The following DNAH10 variants were observed in gnomAD, a reference collection of about 807,000 sequenced individuals.
DNAH10 encodes dynein axonemal heavy chain 10.
A neutral mutation model predicts 506.6 loss-of-function variants in DNAH10; 348 were observed. The observed-to-expected ratio is 0.69, with a 90% CI of 0.63 to 0.75. The LOEUF is 0.75. Among genes scored for constraint, DNAH10 ranks in the 30% least tolerant of loss-of-function variants. The probability of loss-of-function intolerance (pLI) is 0.00; values close to 1 mark genes in which losing one functional copy is unlikely to be tolerated. For missense variants in DNAH10, 5,179 were observed against 5,787.1 expected, an observed-to-expected ratio of 0.89 and a Z score of 3.41; for synonymous variants, 2,059 against 2,198.6, an observed-to-expected ratio of 0.94 and a Z score of 1.78.
intron 39 of DNAH10, among the ~76,000 whole-genome samples, chr12:123,864,280 G>A (rs1056536293): frequency 1.3e-5 from 2 of 151,258 alleles, no homozygotes; most frequent in African/African-American, 2.4e-5. Flanking sequence ...TGAGTAGCTG[G>A]GATTACAGGC....
chr12:123,783,462 G>T (rs1369990869), intron 7 of DNAH10, among the ~76,000 whole-genome samples, 198 bp downstream of exon 7: 1 of 152,194 alleles, frequency 6.6e-6, no homozygotes, highest in African/African-American at 2.4e-5. Context: ...TTACTGCCTG[G>T]ATTGATAAAG....
At chr12:123,933,547 C>T (rs1366356885) in intron 77 of DNAH10, 36 bp downstream of exon 77, 3 of 1,542,612 alleles carry the variant, frequency 1.9e-6, no homozygotes, top group Non-Finnish European at 2.6e-6. Context: ...CAGCCTCTCA[C>T]TTAGGATTTC....
At position 123,909,198 on chromosome 12, in the gene DNAH10, C is replaced by CT. The variant is rs966106825; in HGVS notation, c.9816-60dup. On this transcript the variant is annotated intron_variant, in intron 57 of 78. Coordinates refer to ENST00000673944, the MANE Select transcript of DNAH10 (RefSeq NM_001372106.1). The surrounding 1 kb of genome is among the most constrained non-coding windows in gnomAD (Gnocchi z 5.4). ...GTTGAGCTCGTTTTTCTGGAGCTCT[C>CT]TTTCAGGCCAGATCCTGGCCACATC... 85 of 1,573,452 alleles carry CT rather than the reference C, an allele frequency of 5.4e-5. No homozygotes were observed. In the Admixed American group the frequency reaches 1.6e-3, roughly 29 times the overall value.
chr12:123,795,284 C>G (rs1958236026), intron 12 of DNAH10, among the ~76,000 whole-genome samples: 1 of 152,076 alleles, frequency 6.6e-6, no homozygotes, highest in Non-Finnish European at 1.5e-5. Context: ...GTCTTAGTTT[C>G]CCAATGCTGC....
rs1317270767 is a variant in DNAH10 at position 123,929,807 on chromosome 12, G to A, written c.12612+48G>A. 4.6e-6 allele frequency: 7 copies of A among 1,537,556 alleles called. No individual in the cohort carries two copies. In the African/African-American group the frequency reaches 6.8e-5, roughly 15 times the overall value. ...CCGCAGGTGCCTCTGGGGCTACAGA[G>A]CTGTGGCCTCGTGCCCCTATTTTCC... On this transcript the variant is annotated intron_variant, in intron 72 of 78. Coordinates refer to ENST00000673944, the MANE Select transcript of DNAH10 (RefSeq NM_001372106.1).
In DNAH10 at chr12:123,762,352, G is replaced by A; in HGVS notation, c.16G>A (p.Val6Met). MDDLR[V>M]LWMRDRVYAA... ...GCGCGGCGCCATGGACGACCTGCGGGTGCTGTGGATGCGCGACCGCGTGTA... is the reference window on the plus strand; with the variant it reads ...GCGCGGCGCCATGGACGACCTGCGGATGCTGTGGATGCGCGACCGCGTGTA... The change falls in exon 1 of 79, where the codon GTG becomes ATG. Residue 6 changes from valine (V) to methionine (M), a missense_variant. Val to Met is a conservative substitution (Grantham distance 21, BLOSUM62 1). Transcript: ENST00000673944. The surrounding 1 kb of genome is among the most constrained non-coding windows in gnomAD (Gnocchi z 5.0). The A allele has an allele frequency of 7.4e-7, 1 of 1,354,368 alleles. No individual in the cohort carries two copies. The highest frequency in any genetic ancestry group is 9.5e-7 in the Non-Finnish European group (1 of 1,050,968). 83.9% of individuals were successfully genotyped at this position (1,354,368 alleles called of 1,614,324 possible). A position where few individuals can be genotyped will look rare whatever the true frequency, so the allele number is the denominator to read the frequency against.
intron 53 of DNAH10, 90 bp from the exon 54 acceptor site, chr12:123,894,553 C>A (rs944463544): frequency 4.1e-6 from 5 of 1,221,530 alleles, no homozygotes; most frequent in Non-Finnish European, 5.9e-6. Flanking sequence ...CCACCACACC[C>A]GGCCCTGATT....
intron 53 of DNAH10, 81 bp downstream of exon 53, chr12:123,893,517 G>A: frequency 6.5e-7 from 1 of 1,531,340 alleles, no homozygotes; most frequent in Non-Finnish European, 9.0e-7. Context: ...ACCTCTCCAG[G>A]TTCCCCCAGC....
intron 6 of DNAH10, among the ~76,000 whole-genome samples, chr12:123,782,232 G>T (rs1438791435): frequency 2.0e-5 from 3 of 150,308 alleles, no homozygotes; most frequent in Non-Finnish European, 4.4e-5. Flanking sequence ...TTTTTTCATA[G>T]CATCCTGTTC....
chr12:123,767,234 A>G (rs563089660), intron 1 of DNAH10, among the ~76,000 whole-genome samples: 25 of 152,294 alleles, frequency 1.6e-4, no homozygotes, highest in African/African-American at 5.8e-4. Flanking sequence ...TTGTGGTAAC[A>G]TACACACGGC....
chr12:123,835,341 T>A, intron 27 of DNAH10, 65 bp from the exon 28 acceptor site: 1 of 1,571,142 alleles, frequency 6.4e-7, no homozygotes, highest in South Asian at 1.2e-5. Flanking sequence ...AGGATGGGGC[T>A]TTGCCATCCA....
chr12:123,923,904 T>G, intron 66 of DNAH10, 37 bp downstream of exon 66: 3 of 1,434,582 alleles, frequency 2.1e-6, no homozygotes, highest in Non-Finnish European at 2.9e-6. Flanking sequence ...TCCCATCTCC[T>G]TGCCCACATG....
chr12:123,901,060 G>C (rs1326465676), intron 56 of DNAH10, among the ~76,000 whole-genome samples: 1 of 152,192 alleles, frequency 6.6e-6, no homozygotes, highest in Admixed American at 6.5e-5. Flanking sequence ...TCTCCTGAGG[G>C]TGGCTCTTCA....
intron 39 of DNAH10, among the ~76,000 whole-genome samples, chr12:123,862,683 G>T (rs1284017680): frequency 1.3e-5 from 2 of 152,172 alleles, no homozygotes; most frequent in African/African-American, 2.4e-5. Flanking sequence ...GAGCCACCAT[G>T]CCTGGCCGTT....
chr12:123,832,722 A>G (rs545937088), intron 26 of DNAH10, among the ~76,000 whole-genome samples: 61 of 152,320 alleles, frequency 4.0e-4, no homozygotes, highest in African/African-American at 1.5e-3. Context: ...ACAGTAGAGT[A>G]AGCACAGGGG....
At chr12:123,854,736 T>G (rs1951322144) in intron 36 of DNAH10, among the ~76,000 whole-genome samples, 1 of 152,248 alleles carries the variant, frequency 6.6e-6, no homozygotes, top group Non-Finnish European at 1.5e-5. Flanking sequence ...TTGGGCTTCT[T>G]TATCACATTA....
Position 123,871,604 on chromosome 12 carries a change from T to A in DNAH10, c.7785+2T>A. ...AAAAATCTGAGTGAAGAAACTAACG[T>A]AAGTCATTATTCATATGAATTATCT... On this transcript the variant is annotated splice_donor_variant, in intron 45 of 78. Coordinates refer to ENST00000673944, the MANE Select transcript of DNAH10 (RefSeq NM_001372106.1). LOFTEE classifies it high-confidence loss of function. 1 of 1,548,694 alleles carries A rather than the reference T, an allele frequency of 6.5e-7. No individual in the cohort carries two copies. The highest frequency in any genetic ancestry group is 8.7e-7 in the Non-Finnish European group (1 of 1,146,966).
chr12:123,800,710 T>C (rs1958451787), intron 15 of DNAH10, among the ~76,000 whole-genome samples: 1 of 149,850 alleles, frequency 6.7e-6, no homozygotes, highest in Non-Finnish European at 1.5e-5. Flanking sequence ...AAAAAAAAAT[T>C]GAAGCTAAGA....
chr12:123,820,612 C>G lies in DNAH10; in HGVS notation c.4033C>G (p.Leu1345Val). ...GCTTTTAGGTGTTTATGAAAGAGAG[C>G]TGGCAAGACATGAAAAGAGCCGTCA... ...VELLGVYERELARHEKSRQEL... is the reference protein window; with the variant it reads ...VELLGVYEREVARHEKSRQEL... The change falls in exon 24 of 79, where the codon CTG (leucine) becomes GTG (valine). Residue 1345 changes from leucine (L) to valine (V), a missense_variant. Leu to Val is a conservative substitution (Grantham distance 32). This residue lies in a region of DNAH10 where 4,844 missense variants were observed against 5,430.5 expected (regional missense o/e 0.89). Transcript: ENST00000673944. 1 of 1,613,880 alleles carries G rather than the reference C, an allele frequency of 6.2e-7. No homozygotes were observed. The highest frequency in any genetic ancestry group is 1.7e-5 in the Admixed American group (1 of 60,008).
Sources: gnomAD v4.1 joint callset for allele counts (sites outside exome capture counted in the v4.1 genomes callset) on GRCh38, gnomAD v4.1.1 for gene constraint, gnomAD v4.1.1 regional missense constraint, Gnocchi (gnomAD v3.1) non-coding constraint, MANE v1.5 for transcripts, NCBI Gene and HGNC (gene_info 2026-07-23, HGNC 2026-07-21) for gene names.